The following EPB41L5 variants were observed in gnomAD, a reference collection of about 807,000 sequenced individuals.
EPB41L5 encodes the protein band 4.1-like protein 5.
In EPB41L5, 55 loss-of-function variants were observed where a neutral mutation model predicts 106.6. The observed-to-expected ratio is 0.52, with a 90% CI of 0.42 to 0.65. The LOEUF is 0.65. Ranked by LOEUF, EPB41L5 falls within the 30% of genes least tolerant of loss-of-function variation. The pLI, the probability that EPB41L5 is intolerant of heterozygous loss-of-function variation, is 0.00. For missense variants in EPB41L5, 871 were observed against 882.1 expected (o/e 0.99, Z 0.16); for synonymous variants, 297 against 306.7 (o/e 0.97, Z 0.33).
intron 10 of EPB41L5, among the ~76,000 whole-genome samples, chr2:120,082,510 G>A (rs934610360): frequency 2.1e-4 from 32 of 152,130 alleles, no homozygotes; most frequent in Non-Finnish European, 4.0e-4. Context: ...CGGTTTGCCA[G>A]TATTTTATTG....
chr2:120,026,841 G>C (rs765075586), intron 2 of EPB41L5, among the ~76,000 whole-genome samples: 2 of 152,162 alleles, frequency 1.3e-5, no homozygotes, highest in Non-Finnish European at 2.9e-5. Flanking sequence ...TTATATATCT[G>C]ATAAGGAACT....
At chr2:120,145,093 T>G (rs879430386) in intron 19 of EPB41L5, among the ~76,000 whole-genome samples, 2 of 152,234 alleles carry the variant, frequency 1.3e-5, no homozygotes, top group African/African-American at 2.4e-5. Context: ...TGACCATCCC[T>G]GTGCTGGTGA....
chr2:120,101,083 A>G (rs1684115666), intron 16 of EPB41L5, among the ~76,000 whole-genome samples: 2 of 152,216 alleles, frequency 1.3e-5, no homozygotes, highest in Non-Finnish European at 2.9e-5. Context: ...TTTAAAATAA[A>G]TCTGCCCTTA....
At chr2:120,035,664 G>A (rs1384805499) in intron 2 of EPB41L5, among the ~76,000 whole-genome samples, 1 of 152,126 alleles carries the variant, frequency 6.6e-6, no homozygotes, top group Non-Finnish European at 1.5e-5. Flanking sequence ...GGGCAACATG[G>A]TGAGACCCCC....
chr2:120,114,142 G>A (rs935972234), intron 16 of EPB41L5, among the ~76,000 whole-genome samples: 4 of 152,048 alleles, frequency 2.6e-5, no homozygotes, highest in African/African-American at 9.7e-5. Flanking sequence ...ACTATTGCCT[G>A]TCTTTTTTAT....
intron 18 of EPB41L5, among the ~76,000 whole-genome samples, chr2:120,137,305 A>G (rs1016042087): frequency 6.6e-6 from 1 of 152,120 alleles, no homozygotes; most frequent in Non-Finnish European, 1.5e-5. Flanking sequence ...CATCTTAAGG[A>G]ACTAGAAAAG....
intron 3 of EPB41L5, among the ~76,000 whole-genome samples, chr2:120,051,232 G>A (rs1348008844): frequency 6.6e-6 from 1 of 152,140 alleles, no homozygotes; most frequent in African/African-American, 2.4e-5. Context: ...CCGTTTATTC[G>A]GCTATGCCCT....
Position 120,154,304 on chromosome 2 carries a change from A to G in EPB41L5, c.1794-6577A>G, listed in dbSNP as rs180836084. 4.9e-3 allele frequency among the ~76,000 whole-genome samples: 748 copies of G among 151,574 alleles called. 12 individuals are homozygous for G. The highest frequency in any genetic ancestry group is 0.017 in the African/African-American group (721 of 41,348). ...CTCCCGAGTAGTTGAGATCACAGGCATGCACCACCATGCCCGGCTAATTTT... is the reference window on the plus strand; with the variant it reads ...CTCCCGAGTAGTTGAGATCACAGGCGTGCACCACCATGCCCGGCTAATTTT... On this transcript the variant is annotated intron_variant, in intron 20 of 24. Transcript: ENST00000263713.
At chr2:120,035,820 C>A (rs1444667915) in intron 2 of EPB41L5, among the ~76,000 whole-genome samples, 1 of 152,142 alleles carries the variant, frequency 6.6e-6, no homozygotes, top group Non-Finnish European at 1.5e-5. Flanking sequence ...CTGTTTGGGA[C>A]AAGATAATGA....
chr2:120,021,650 G>A (rs1425177106), intron 2 of EPB41L5, among the ~76,000 whole-genome samples: 3 of 152,128 alleles, frequency 2.0e-5, no homozygotes, highest in African/African-American at 7.2e-5. Flanking sequence ...CAAAAAAAAG[G>A]AACAACTGTC....
At chr2:120,155,835 C>A (rs1406075414) in intron 20 of EPB41L5, among the ~76,000 whole-genome samples, 1 of 151,962 alleles carries the variant, frequency 6.6e-6, no homozygotes, top group Non-Finnish European at 1.5e-5. Flanking sequence ...AGCTGGGCAG[C>A]CTCCATGGGG....
intron 3 of EPB41L5, among the ~76,000 whole-genome samples, chr2:120,056,991 G>A (rs1025813944): frequency 6.6e-6 from 1 of 152,096 alleles, no homozygotes; most frequent in African/African-American, 2.4e-5. Flanking sequence ...CAACCTCCCA[G>A]GCTCAAGGGA....
At chr2:120,025,791 C>G (rs1320146502) in intron 2 of EPB41L5, among the ~76,000 whole-genome samples, 1 of 152,120 alleles carries the variant, frequency 6.6e-6, no homozygotes, top group African/African-American at 2.4e-5. Context: ...CAAGCTGATT[C>G]TAAAATTCTT....
chr2:120,111,425 C>G (rs919393371), intron 16 of EPB41L5, among the ~76,000 whole-genome samples: 4 of 152,124 alleles, frequency 2.6e-5, no homozygotes, highest in Admixed American at 2.0e-4. Context: ...CTACTTTAGA[C>G]CTGCTGAATC....
At chr2:120,093,807 A>T (rs1329471828) in intron 14 of EPB41L5, among the ~76,000 whole-genome samples, 1 of 152,184 alleles carries the variant, frequency 6.6e-6, no homozygotes, top group Non-Finnish European at 1.5e-5. Flanking sequence ...TTACAAAATA[A>T]GTTTGTATAT....
intron 22 of EPB41L5, among the ~76,000 whole-genome samples, chr2:120,166,936 C>T (rs1009878231): frequency 2.0e-5 from 3 of 152,032 alleles, no homozygotes; most frequent in African/African-American, 4.8e-5. Context: ...TATCAAAGGC[C>T]CTGTGAACCA....
chr2:120,101,686 A>G (rs1347760539), intron 16 of EPB41L5: 1 of 152,262 alleles, frequency 6.6e-6, no homozygotes, highest in Non-Finnish European at 1.5e-5. Context: ...TGGTGGCTCA[A>G]CAGTGGTTGG....
Position 120,146,215 on chromosome 2 carries a change from A to C in EPB41L5, c.1729-10A>C, listed in dbSNP as rs1423660671. 6.5e-7 allele frequency: 1 copy of C among 1,550,376 alleles called. No individual in the cohort carries two copies. The highest frequency in any genetic ancestry group is 1.4e-5 in the African/African-American group (1 of 73,104). ...AAAGATTTACTTTTTTTAATATTTC[A>C]TTTTCTTAGGTTACAAAAGAAGATA... On this transcript the variant is annotated splice_polypyrimidine_tract_variant and intron_variant, in intron 19 of 24. Transcript: ENST00000263713.
chr2:120,042,968 C>G (rs1679494343), intron 3 of EPB41L5, among the ~76,000 whole-genome samples: 1 of 148,658 alleles, frequency 6.7e-6, no homozygotes, highest in Non-Finnish European at 1.5e-5. Context: ...ATAAGGATAT[C>G]ATGGCATTAA....
Sources: allele counts gnomAD v4.1 joint callset (sites outside exome capture counted in the v4.1 genomes callset), GRCh38; gene constraint gnomAD v4.1.1; transcripts MANE v1.5; gene names NCBI Gene and HGNC (gene_info 2026-07-23, HGNC 2026-07-21).